The following ARHGAP26 variants were observed in gnomAD, a reference collection of about 807,000 sequenced individuals.
ARHGAP26 encodes rho GTPase-activating protein 26.
In ARHGAP26, 38 loss-of-function variants were observed where a neutral mutation model predicts 104.8. The ratio of observed to expected loss-of-function variants is 0.36; its 90% confidence interval spans 0.28 to 0.48. The LOEUF (loss-of-function observed/expected upper bound fraction) is 0.48. Ranked by LOEUF, ARHGAP26 falls within the 20% of genes least tolerant of loss-of-function variation. ARHGAP26 has a pLI of 0.99. For missense variants in ARHGAP26, 704 were observed against 947.9 expected (o/e 0.74, Z 3.38); for synonymous variants, 341 against 340.0 (o/e 1.00, Z -0.03).
At chr5:142,804,851 A>G (rs1334546759) in intron 1 of ARHGAP26, among the ~76,000 whole-genome samples, 3 of 151,866 alleles carry the variant, frequency 2.0e-5, no homozygotes, top group African/African-American at 7.3e-5. Context: ...GCTCATTTGT[A>G]GTGAATTCTG....
chr5:143,079,606 C>T (rs1291738500), intron 17 of ARHGAP26, among the ~76,000 whole-genome samples: 15 of 152,286 alleles, frequency 9.8e-5, no homozygotes, highest in Admixed American at 7.8e-4. Flanking sequence ...ACTGTCAGAC[C>T]GGATTAAACG....
At chr5:142,862,434 T>C (rs1019445747) in intron 1 of ARHGAP26, among the ~76,000 whole-genome samples, 4 of 152,270 alleles carry the variant, frequency 2.6e-5, no homozygotes, top group Non-Finnish European at 4.4e-5. Context: ...TTTGAAGTTG[T>C]CCTCTTTTTC....
At chr5:142,956,638 G>A (rs985419963) in intron 11 of ARHGAP26, among the ~76,000 whole-genome samples, 2 of 152,136 alleles carry the variant, frequency 1.3e-5, no homozygotes, top group Non-Finnish European at 2.9e-5. Flanking sequence ...AGACATCTGT[G>A]ACTTTATGAA....
intron 1 of ARHGAP26, among the ~76,000 whole-genome samples, chr5:142,815,045 G>C (rs866539396): frequency 1.3e-3 from 200 of 152,306 alleles, no homozygotes; most frequent in African/African-American, 4.4e-3. Context: ...CTGTCACCCA[G>C]GCTGGAGTGG....
At chr5:142,858,094 T>TGTGAGA (rs1424264346) in intron 1 of ARHGAP26, among the ~76,000 whole-genome samples, 56 of 127,252 alleles carry the variant, frequency 4.4e-4, no homozygotes, top group African/African-American at 1.2e-3. Flanking sequence ...TGTGTGTGTG[T>TGTGAGA]GAGAGAGAGA....
intron 11 of ARHGAP26, among the ~76,000 whole-genome samples, chr5:142,940,470 C>T (rs1430253709): frequency 6.6e-6 from 1 of 152,150 alleles, no homozygotes; most frequent in Non-Finnish European, 1.5e-5. Flanking sequence ...TCTCCCTCCT[C>T]CCGCCCTCCA....
chr5:143,081,205 G>C (rs1789763484), intron 17 of ARHGAP26, among the ~76,000 whole-genome samples: 1 of 152,048 alleles, frequency 6.6e-6, no homozygotes, highest in African/African-American at 2.4e-5. Context: ...GATCACTGAG[G>C]GCAGGTCTGT....
intron 11 of ARHGAP26, among the ~76,000 whole-genome samples, chr5:142,950,608 C>T (rs1234439261): frequency 6.6e-6 from 1 of 151,864 alleles, no homozygotes; most frequent in African/African-American, 2.4e-5. Flanking sequence ...GTCATGTTTC[C>T]TACAGCGACA....
At chr5:143,097,360 GAAAAAAAAAAAA>G (rs56116431) in intron 17 of ARHGAP26, among the ~76,000 whole-genome samples, 19 of 63,264 alleles carry the variant, frequency 3.0e-4, no homozygotes, top group Non-Finnish European at 5.5e-4. Flanking sequence ...TCAAAAAAAA[GAAAAAAAAAAAA>G]AAAAAAAAAA....
At chr5:142,945,035 G>A (rs2152566409) in intron 11 of ARHGAP26, among the ~76,000 whole-genome samples, 1 of 152,206 alleles carries the variant, frequency 6.6e-6, no homozygotes, top group African/African-American at 2.4e-5. Context: ...CATTCACCAG[G>A]CTGTGTGATT....
chr5:142,926,120 T>A lies in ARHGAP26; in HGVS notation c.1029-5927T>A, dbSNP rs3776400. The stretch of plus-strand genomic sequence containing the variant: ...TCTTGGCTGGTGAGGAGGCTATGAG[T>A]TGGTATAGCCAGTGGTCCCAGGATC... On this transcript the variant is annotated intron_variant, in intron 10 of 22. Coordinates refer to ENST00000645722, the MANE Select transcript of ARHGAP26 (RefSeq NM_001135608.3). Among the ~76,000 whole-genome samples the A allele has an allele frequency of 7.0e-4, 107 of 152,236 alleles. 3 individuals are homozygous for A. The East Asian group carries it at 0.019, about 26-fold the overall frequency.
intron 1 of ARHGAP26, among the ~76,000 whole-genome samples, chr5:142,841,688 G>A (rs1005402156): frequency 1.3e-5 from 2 of 152,200 alleles, no homozygotes; most frequent in African/African-American, 4.8e-5. Flanking sequence ...ACTTCATCTT[G>A]GCTCCTGCTT....
At chr5:142,982,056 C>G (rs1199911417) in intron 11 of ARHGAP26, among the ~76,000 whole-genome samples, 1 of 152,226 alleles carries the variant, frequency 6.6e-6, no homozygotes, top group Non-Finnish European at 1.5e-5. Flanking sequence ...TAGACTGATC[C>G]AGCTCACCTT....
chr5:143,026,121 A>G (rs1311304110), intron 12 of ARHGAP26, among the ~76,000 whole-genome samples: 1 of 152,206 alleles, frequency 6.6e-6, no homozygotes, highest in East Asian at 1.9e-4. Context: ...AGAAGGTACC[A>G]ATATATGCAG....
intron 17 of ARHGAP26, among the ~76,000 whole-genome samples, chr5:143,097,915 A>G (rs972596243): frequency 3.3e-5 from 5 of 152,062 alleles, no homozygotes; most frequent in Admixed American, 6.6e-5. Flanking sequence ...TTTGGTGACA[A>G]CGTTCAGTGG....
At chr5:143,201,703 A>G (rs1371002389) in intron 20 of ARHGAP26, among the ~76,000 whole-genome samples, 1 of 152,208 alleles carries the variant, frequency 6.6e-6, no homozygotes, top group East Asian at 1.9e-4. Flanking sequence ...GAGAACACAT[A>G]GTCATACACC....
chr5:143,052,366 A>C (rs1345413569), intron 14 of ARHGAP26, among the ~76,000 whole-genome samples: 2 of 152,026 alleles, frequency 1.3e-5, no homozygotes, highest in African/African-American at 4.8e-5. Flanking sequence ...GCTACTTGGG[A>C]GGCTGAGGCA....
rs577034278 is a variant in ARHGAP26 at position 143,148,786 on chromosome 5, C to T, written c.1988+1405C>T. Among the ~76,000 whole-genome samples the T allele has an allele frequency of 5.9e-5, 9 of 152,244 alleles. 1 individual carries two copies. The South Asian group carries it at 1.7e-3, about 28-fold the overall frequency. ...CTAGACTTTAGGGAGATTCTATTTTCTTTACTTGTTTTTTTCTTCAGTTGG... is the reference window on the plus strand; with the variant it reads ...CTAGACTTTAGGGAGATTCTATTTTTTTTACTTGTTTTTTTCTTCAGTTGG... On this transcript the variant is annotated intron_variant, in intron 20 of 22. Coordinates refer to ENST00000645722, the MANE Select transcript of ARHGAP26 (RefSeq NM_001135608.3).
chr5:142,842,393 C>T (rs936675473), intron 1 of ARHGAP26, among the ~76,000 whole-genome samples: 4 of 152,184 alleles, frequency 2.6e-5, no homozygotes, highest in Non-Finnish European at 5.9e-5. Flanking sequence ...TTCCTTCTAC[C>T]TGTTAATATC....
Sources: gnomAD v4.1 joint callset for allele counts (sites outside exome capture counted in the v4.1 genomes callset) on GRCh38, gnomAD v4.1.1 for gene constraint, MANE v1.5 for transcripts, NCBI Gene and HGNC (gene_info 2026-07-23, HGNC 2026-07-21) for gene names.